The following LRRTM3 variants were observed in gnomAD, a reference collection of about 807,000 sequenced individuals.
LRRTM3 encodes leucine rich repeat transmembrane neuronal 3.
In LRRTM3, 24 loss-of-function variants were observed where a neutral mutation model predicts 44.7. The observed-to-expected ratio is 0.54, with a 90% CI of 0.39 to 0.76. LRRTM3 has a LOEUF of 0.76. LRRTM3 is among the 30% of genes least tolerant of loss of function. The probability of loss-of-function intolerance (pLI) is 0.00; values close to 1 mark genes in which losing one functional copy is unlikely to be tolerated. For missense variants in LRRTM3, 587 were observed against 702.2 expected, an observed-to-expected ratio of 0.84 and a Z score of 1.85; for synonymous variants, 277 against 278.7, an observed-to-expected ratio of 0.99 and a Z score of 0.06.
intron 2 of LRRTM3, among the ~76,000 whole-genome samples, chr10:67,074,247 G>A (rs1856619562): frequency 6.6e-6 from 1 of 150,844 alleles, no homozygotes; most frequent in African/African-American, 2.4e-5. Context: ...GGCCAGGATG[G>A]TCTTGATCTC....
intron 2 of LRRTM3, among the ~76,000 whole-genome samples, chr10:66,981,363 C>T (rs1167532366): frequency 6.6e-6 from 1 of 152,216 alleles, no homozygotes; most frequent in Non-Finnish European, 1.5e-5. Flanking sequence ...ACTTCATCAG[C>T]TCACTCAGGC....
intron 2 of LRRTM3, among the ~76,000 whole-genome samples, chr10:67,062,399 T>C (rs1369187652): frequency 6.6e-6 from 1 of 152,222 alleles, no homozygotes; most frequent in African/African-American, 2.4e-5. Flanking sequence ...TGGTGCTAAA[T>C]GTCAGCGATG....
chr10:66,990,800 T>C (rs924824456), intron 2 of LRRTM3, among the ~76,000 whole-genome samples: 1 of 152,194 alleles, frequency 6.6e-6, no homozygotes, highest in African/African-American at 2.4e-5. Flanking sequence ...CCAAAATCTG[T>C]CCTTTACCAA....
At chr10:67,025,949 T>C (rs546021692) in intron 2 of LRRTM3, among the ~76,000 whole-genome samples, 1 of 150,038 alleles carries the variant, frequency 6.7e-6, no homozygotes, top group East Asian at 2.0e-4. Flanking sequence ...TGAGTTCATG[T>C]CCTTTGTAGG....
At chr10:67,002,135 C>T (rs186720991) in intron 2 of LRRTM3, among the ~76,000 whole-genome samples, 2 of 152,288 alleles carry the variant, frequency 1.3e-5, no homozygotes. Flanking sequence ...AGCTCTCTGA[C>T]TTGAAATGGA....
intron 2 of LRRTM3, among the ~76,000 whole-genome samples, chr10:67,068,426 T>C (rs1856226072): frequency 6.6e-6 from 1 of 152,174 alleles, no homozygotes; most frequent in Admixed American, 6.5e-5. Flanking sequence ...GTTAAGTAGT[T>C]GAATACGTAA....
chr10:67,024,700 C>T (rs984346613), intron 2 of LRRTM3, among the ~76,000 whole-genome samples: 1 of 152,096 alleles, frequency 6.6e-6, no homozygotes, highest in African/African-American at 2.4e-5. Context: ...CTTGTTAATG[C>T]TCAGATATTG....
chr10:67,009,768 C>G (rs4353167), intron 2 of LRRTM3, among the ~76,000 whole-genome samples: 7,402 of 152,178 alleles, frequency 0.049, 263 homozygotes, highest in Middle Eastern at 0.075. Flanking sequence ...TACTCCATTC[C>G]TCTGTCACCA....
chr10:67,080,917 CAAAAAAACA>C (rs1324689322), intron 2 of LRRTM3, among the ~76,000 whole-genome samples: 1 of 142,128 alleles, frequency 7.0e-6, no homozygotes, highest in Non-Finnish European at 1.6e-5. Flanking sequence ...TGAAAAAAAA[CAAAAAAACA>C]AAAAAACAAC....
intron 2 of LRRTM3, among the ~76,000 whole-genome samples, chr10:67,096,209 A>T (rs1391788082): frequency 6.6e-6 from 1 of 151,628 alleles, no homozygotes; most frequent in Non-Finnish European, 1.5e-5. Flanking sequence ...TTTATTTTTT[A>T]TTTTTTTGAT....
chr10:67,045,560 G>C (rs1013497915), intron 2 of LRRTM3, among the ~76,000 whole-genome samples: 18 of 152,140 alleles, frequency 1.2e-4, no homozygotes, highest in African/African-American at 4.3e-4. Flanking sequence ...GAATGGTTTA[G>C]CGCCAGGTTC....
At chr10:67,094,006 C>G (rs1455351458) in intron 2 of LRRTM3, among the ~76,000 whole-genome samples, 1 of 151,938 alleles carries the variant, frequency 6.6e-6, no homozygotes, top group Non-Finnish European at 1.5e-5. Flanking sequence ...ATGTGTTGCA[C>G]ACTCAGCATC....
At chr10:66,972,137 G>A (rs958033251) in intron 2 of LRRTM3, among the ~76,000 whole-genome samples, 2 of 151,890 alleles carry the variant, frequency 1.3e-5, no homozygotes, top group African/African-American at 4.8e-5. Flanking sequence ...ATAGAATATC[G>A]CCTTCTCAAA....
chr10:66,973,375 C>A (rs1849832844), intron 2 of LRRTM3, among the ~76,000 whole-genome samples: 1 of 152,092 alleles, frequency 6.6e-6, no homozygotes, highest in African/African-American at 2.4e-5. Flanking sequence ...ACAATGAATT[C>A]TCAATAATTT....
At chr10:67,036,285 T>C (rs924551201) in intron 2 of LRRTM3, among the ~76,000 whole-genome samples, 24 of 152,016 alleles carry the variant, frequency 1.6e-4, no homozygotes, top group Admixed American at 9.8e-4. Flanking sequence ...CTTTTTTTTT[T>C]TGAGACAGAG....
intron 2 of LRRTM3, among the ~76,000 whole-genome samples, chr10:66,957,899 C>T (rs2132756191): frequency 6.6e-6 from 1 of 152,118 alleles, no homozygotes; most frequent in East Asian, 1.9e-4. Flanking sequence ...GCCACCTGGA[C>T]TTACGCATAT....
intron 2 of LRRTM3, among the ~76,000 whole-genome samples, chr10:67,082,734 T>C (rs1857113402): frequency 6.6e-6 from 1 of 152,188 alleles, no homozygotes; most frequent in Non-Finnish European, 1.5e-5. Context: ...AAAGTACTTC[T>C]ACATCAGCAT....
chr10:67,008,462 G>GTTTGT (rs1554896632), intron 2 of LRRTM3, among the ~76,000 whole-genome samples: 6 of 151,808 alleles, frequency 4.0e-5, no homozygotes, highest in African/African-American at 1.5e-4. Context: ...CAGCTTTTTT[G>GTTTGT]TTTGTTTTGT....
At chr10:66,979,717 A>G (rs1194148788) in intron 2 of LRRTM3, among the ~76,000 whole-genome samples, 1 of 152,200 alleles carries the variant, frequency 6.6e-6, no homozygotes, top group East Asian at 1.9e-4. Flanking sequence ...GCACACATTG[A>G]GTGCCCAATA....
Sources: allele counts gnomAD v4.1 joint callset (sites outside exome capture counted in the v4.1 genomes callset), GRCh38; gene constraint gnomAD v4.1.1; transcripts MANE v1.5; gene names NCBI Gene and HGNC (gene_info 2026-07-23, HGNC 2026-07-21).